The following ABCA5 variants were observed in gnomAD, a reference collection of about 807,000 sequenced individuals.
The protein encoded by ABCA5 is cholesterol transporter ABCA5.
ABCA5 carries 163 observed loss-of-function variants against 206.0 expected under a neutral mutation model. The ratio of observed to expected loss-of-function variants is 0.79; its 90% CI spans 0.70 to 0.90. The LOEUF is 0.90. Among genes scored for constraint, ABCA5 ranks in the 40% least tolerant of loss-of-function variants. The pLI is 0.00. For missense variants in ABCA5, 1,859 were observed against 1,912.9 expected (o/e 0.97, Z 0.53); for synonymous variants, 609 against 613.8 (o/e 0.99, Z 0.11).
intron 34 of ABCA5, among the ~76,000 whole-genome samples, chr17:69,252,558 A>G (rs1203756984): frequency 1.3e-5 from 2 of 152,080 alleles, no homozygotes; most frequent in African/African-American, 4.8e-5. Flanking sequence ...GTTCAAGGCC[A>G]GGCACTGTGC....
intron 7 of ABCA5, 97 bp downstream of exon 7, chr17:69,304,572 T>C (rs780080845): frequency 3.7e-6 from 4 of 1,088,224 alleles, no homozygotes; most frequent in Admixed American, 3.7e-5. Context: ...CTGTCTTTCA[T>C]GGCAAATTGA....
In ABCA5 at chr17:69,309,381, G is replaced by A; in HGVS notation, c.350C>T (p.Thr117Ile). The change falls in exon 4 of 39, where the codon ACA becomes ATA. Residue 117 changes from threonine (T) to isoleucine (I), a missense_variant. Coordinates refer to ENST00000392676, the MANE Select transcript of ABCA5 (RefSeq NM_172232.4). The stretch of plus-strand genomic sequence containing the variant: ...GTTGCTCGGCTTAGAGAGACTGGAT[G>A]TTAACATTTCTTTTTCATTTGTATA... The part of the protein sequence containing the change: ...EEYTNEKEML[T>I]SSLSKPSNFV... The A allele has an allele frequency of 6.3e-7, 1 of 1,598,126 alleles. No individual in the cohort carries two copies. The highest frequency in any genetic ancestry group is 8.5e-7 in the Non-Finnish European group (1 of 1,174,582).
At chr17:69,259,310 C>T (rs1037217861) in intron 28 of ABCA5, among the ~76,000 whole-genome samples, 3 of 151,974 alleles carry the variant, frequency 2.0e-5, no homozygotes, top group African/African-American at 7.2e-5. Flanking sequence ...TGCCCAAATC[C>T]TAGCAATTTT....
intron 11 of ABCA5, among the ~76,000 whole-genome samples, chr17:69,293,863 TG>T (rs1567771821): frequency 9.6e-6 from 1 of 104,668 alleles, no homozygotes; most frequent in Non-Finnish European, 2.1e-5. Context: ...TGTGTGTGTG[TG>T]TGTGTGTGCG....
chr17:69,250,842 T>C (rs960100985), intron 35 of ABCA5: 5 of 291,902 alleles, frequency 1.7e-5, no homozygotes, highest in South Asian at 6.8e-5. Context: ...GACACCGACA[T>C]TGGTACATTC....
chr17:69,300,765 A>G (rs1367543035), intron 9 of ABCA5, among the ~76,000 whole-genome samples: 2 of 152,182 alleles, frequency 1.3e-5, no homozygotes, highest in South Asian at 2.1e-4. Context: ...GGAGTTTGCT[A>G]TATTGGCTAT....
At chr17:69,261,822 TTAAAA>T in intron 24 of ABCA5, 74 bp from the exon 25 acceptor site, 1 of 528,270 alleles carries the variant, frequency 1.9e-6, no homozygotes, top group South Asian at 4.5e-5. Context: ...ACTAGCCATA[TTAAAA>T]TATGAAATTA....
chr17:69,325,469 AT>A (rs1410342490), intron 1 of ABCA5, among the ~76,000 whole-genome samples: 1 of 152,168 alleles, frequency 6.6e-6, no homozygotes, highest in Non-Finnish European at 1.5e-5. Context: ...CCTTAAAACT[AT>A]TTTTAATCCA....
chr17:69,310,959 GGTAGATTGCTTGAGTCCAGGA>G (rs536229313), intron 3 of ABCA5, among the ~76,000 whole-genome samples: 17 of 152,254 alleles, frequency 1.1e-4, no homozygotes, highest in African/African-American at 4.1e-4. Flanking sequence ...GGTGGAGGCA[GGTAGATTGCTTGAGTCCAGGA>G]GTAGATTGCT....
At chr17:69,323,076 C>A (rs953771152) in intron 1 of ABCA5, among the ~76,000 whole-genome samples, 1 of 152,090 alleles carries the variant, frequency 6.6e-6, no homozygotes, top group Non-Finnish European at 1.5e-5. Context: ...GGCTTCTAAA[C>A]GTTGTTCGGC....
At chr17:69,317,636 CCT>C (rs985309195) in intron 1 of ABCA5, 3 of 151,960 alleles carry the variant, frequency 2.0e-5, no homozygotes, top group Admixed American at 1.3e-4. Flanking sequence ...AGGAGTTTTA[CCT>C]TGGAAATAAA....
intron 3 of ABCA5, among the ~76,000 whole-genome samples, chr17:69,310,832 C>T (rs2075761169): frequency 6.6e-6 from 1 of 152,190 alleles, no homozygotes; most frequent in African/African-American, 2.4e-5. Context: ...GTGTCCTCAT[C>T]TACAATGCCT....
chr17:69,263,980 G>GC (rs1039437368), intron 24 of ABCA5, among the ~76,000 whole-genome samples: 9 of 152,182 alleles, frequency 5.9e-5, no homozygotes, highest in African/African-American at 2.2e-4. Context: ...ATAGGCATGA[G>GC]CCCCCGCGCC....
chr17:69,284,350 A>G (rs1275482810), intron 17 of ABCA5, among the ~76,000 whole-genome samples: 1 of 152,114 alleles, frequency 6.6e-6, no homozygotes, highest in Non-Finnish European at 1.5e-5. Context: ...TAACAGGCTT[A>G]ACATTCTTAT....
At position 69,306,944 on chromosome 17, in the gene ABCA5, T is replaced by A. The variant is rs139696278; in HGVS notation, c.569A>T (p.Asn190Ile). 1 of 1,543,336 alleles carries A rather than the reference T, an allele frequency of 6.5e-7. No homozygotes were observed. The highest frequency in any genetic ancestry group is 8.7e-7 in the Non-Finnish European group (1 of 1,148,750). Residue 190 changes from asparagine to isoleucine, a missense_variant, in exon 6 of 39, where the codon AAT becomes ATT. Asn to Ile is a moderately radical substitution (Grantham distance 149). Transcript: ENST00000392676. The part of the protein sequence containing the change: ...IDAAIIQLKT[N>I]VSLWKELEST... ...CTCCAGCTCCTTCCAAAGAGAAACA[T>A]TGGTCTTCAACTATAATTAGAAAAT...
chr17:69,261,461 T>G lies in ABCA5; in HGVS notation c.3429+174A>C, dbSNP rs184182439. On this transcript the variant is annotated intron_variant, in intron 25 of 38. Coordinates refer to ENST00000392676, the MANE Select transcript of ABCA5 (RefSeq NM_172232.4). ...AGTTGCTAAATCTCTTCCATATTGT[T>G]CCTACGTGGAAAGGATGATTCAGAA... Among the ~76,000 whole-genome samples, 171 of 152,192 alleles carry G rather than the reference T, an allele frequency of 1.1e-3. 1 individual carries two copies. The highest frequency in any genetic ancestry group is 2.0e-3 in the Non-Finnish European group (138 of 67,922).
At chr17:69,273,403 A>G (rs548987955) in intron 20 of ABCA5, among the ~76,000 whole-genome samples, 1 of 149,146 alleles carries the variant, frequency 6.7e-6, no homozygotes, top group African/African-American at 2.5e-5. Flanking sequence ...CGTTATTATT[A>G]AAAAAGGAAA....
At chr17:69,257,084 G>C (rs1277773146) in intron 28 of ABCA5, among the ~76,000 whole-genome samples, 1 of 152,040 alleles carries the variant, frequency 6.6e-6, no homozygotes, top group African/African-American at 2.4e-5. Flanking sequence ...GAAAAATGTG[G>C]CCAGGCGCAG....
At chr17:69,316,230 C>T (rs149489099) in intron 1 of ABCA5, among the ~76,000 whole-genome samples, 68 of 152,334 alleles carry the variant, frequency 4.5e-4, no homozygotes, top group Non-Finnish European at 8.7e-4. Context: ...CACTGGCTTA[C>T]GCCCATAATC....
Sources: gnomAD v4.1 joint callset for allele counts (sites outside exome capture counted in the v4.1 genomes callset) on GRCh38, gnomAD v4.1.1 for gene constraint, MANE v1.5 for transcripts, NCBI Gene and HGNC (gene_info 2026-07-23, HGNC 2026-07-21) for gene names.